GDAP1L1: variants seen among roughly 807,000 people sequenced by gnomAD.
GDAP1L1 encodes ganglioside induced differentiation associated protein 1 like 1.
GDAP1L1 carries 21 observed loss-of-function variants against 37.1 expected under a neutral mutation model. That is an observed-to-expected ratio of 0.57 (90% confidence interval 0.40 to 0.81). The LOEUF is 0.81. Ranked by LOEUF, GDAP1L1 falls within the 40% of genes least tolerant of loss-of-function variation. The probability of loss-of-function intolerance (pLI) is 0.00; values close to 1 mark genes in which losing one functional copy is unlikely to be tolerated. For synonymous variants in GDAP1L1, 193 were observed against 209.1 expected (o/e 0.92, Z 0.67); for missense variants, 362 against 491.6 (o/e 0.74, Z 2.49).
At chr20:44,254,419 T>C (rs963923610) in intron 1 of GDAP1L1, among the ~76,000 whole-genome samples, 14 of 152,036 alleles carry the variant, frequency 9.2e-5, no homozygotes, top group African/African-American at 3.1e-4. Context: ...TCTGCAACAG[T>C]TTTTCCCCCT....
At chr20:44,276,460 G>GAAAGAAAGAAAGAAAGAGAGAA (rs371944330) in intron 5 of GDAP1L1, among the ~76,000 whole-genome samples, 8 of 150,608 alleles carry the variant, frequency 5.3e-5, no homozygotes, top group African/African-American at 2.0e-4. Context: ...AAGAAAGAAA[G>GAAAGAAAGAAAGAAAGAGAGAA]AAAGAAAAAG....
chr20:44,248,244 C>G (rs1191617071), intron 1 of GDAP1L1, among the ~76,000 whole-genome samples: 1 of 152,242 alleles, frequency 6.6e-6, no homozygotes, highest in East Asian at 1.9e-4. Flanking sequence ...AGGGTTCCCG[C>G]TTCCTGGGGG....
At chr20:44,257,597 C>G (rs913669192) in intron 2 of GDAP1L1, among the ~76,000 whole-genome samples, 1 of 152,124 alleles carries the variant, frequency 6.6e-6, no homozygotes, top group South Asian at 2.1e-4. Context: ...AAGGGCATGA[C>G]CCAGACACCC....
At chr20:44,271,263 A>T (rs1035365175) in intron 5 of GDAP1L1, among the ~76,000 whole-genome samples, 1 of 152,146 alleles carries the variant, frequency 6.6e-6, no homozygotes, top group African/African-American at 2.4e-5. Flanking sequence ...ATAATAATAA[A>T]AACGTAACTA....
intron 5 of GDAP1L1, among the ~76,000 whole-genome samples, chr20:44,270,571 C>A (rs13041364): frequency 0.078 from 11,945 of 152,248 alleles, 957 homozygotes; most frequent in East Asian, 0.31. Flanking sequence ...TTGCTTGATG[C>A]AGGTTGCCTT....
intron 5 of GDAP1L1, among the ~76,000 whole-genome samples, chr20:44,277,275 C>T (rs1021761607): frequency 2.6e-4 from 39 of 152,216 alleles, no homozygotes; most frequent in Middle Eastern, 3.4e-3. Context: ...CCAAAACTTC[C>T]GTTTTAAATT....
chr20:44,247,215 A>T (rs1600519627), upstream of GDAP1L1: 1 of 1,010,868 alleles, frequency 9.9e-7, no homozygotes, highest in South Asian at 1.5e-5. Flanking sequence ...GAGTAATGAC[A>T]TTCACGGAGC....
chr20:44,271,441 G>C (rs775644862), intron 5 of GDAP1L1, among the ~76,000 whole-genome samples: 1 of 152,142 alleles, frequency 6.6e-6, no homozygotes, highest in Non-Finnish European at 1.5e-5. Context: ...CTGGGAGCTT[G>C]AGCAAGCCAG....
intron 5 of GDAP1L1, among the ~76,000 whole-genome samples, chr20:44,271,971 C>G (rs938979926): frequency 2.6e-5 from 4 of 152,186 alleles, no homozygotes; most frequent in Admixed American, 1.3e-4. Context: ...GATTCAGGAA[C>G]CTGGACAGAG....
intron 3 of GDAP1L1, 39 bp downstream of exon 3, chr20:44,258,646 C>A (rs369278943): frequency 2.7e-5 from 39 of 1,454,412 alleles, no homozygotes; most frequent in African/African-American, 2.0e-4. Flanking sequence ...TCTGCTTTCC[C>A]CCTTTGCGCC....
chr20:44,253,238 G>T (rs1284297409), intron 1 of GDAP1L1, among the ~76,000 whole-genome samples: 3 of 152,146 alleles, frequency 2.0e-5, no homozygotes, highest in African/African-American at 7.2e-5. Context: ...TGAGGGCAGG[G>T]ATCATTGTTT....
chr20:44,264,608 C>CTCTTCCCCTGCCCAG, intron 5 of GDAP1L1, 49 bp downstream of exon 5: 2 of 1,589,802 alleles, frequency 1.3e-6, no homozygotes, highest in Non-Finnish European at 1.7e-6. Flanking sequence ...ACCCAGCCTA[C>CTCTTCCCCTGCCCAG]TCTTCCCCTG....
chr20:44,273,663 G>A (rs2062543420), intron 5 of GDAP1L1, among the ~76,000 whole-genome samples: 1 of 152,196 alleles, frequency 6.6e-6, no homozygotes, highest in Non-Finnish European at 1.5e-5. Context: ...CACACAGGAT[G>A]CTGGCAGGAC....
At chr20:44,271,007 A>T (rs2062509710) in intron 5 of GDAP1L1, among the ~76,000 whole-genome samples, 3 of 152,206 alleles carry the variant, frequency 2.0e-5, no homozygotes, top group Admixed American at 6.5e-5. Flanking sequence ...TGCACTTGTA[A>T]TTCCAGCTAG....
intron 5 of GDAP1L1, among the ~76,000 whole-genome samples, chr20:44,276,579 G>GTTTTGT (rs1395595489): frequency 3.3e-5 from 5 of 152,110 alleles, no homozygotes; most frequent in Admixed American, 6.5e-5. Flanking sequence ...AATTGCATTT[G>GTTTTGT]TTTTGTTTTT....
chr20:44,261,876 G>A (rs778439135), intron 3 of GDAP1L1, among the ~76,000 whole-genome samples: 1 of 152,206 alleles, frequency 6.6e-6, no homozygotes, highest in Non-Finnish European at 1.5e-5. Context: ...AAGCTTTCAG[G>A]AAAGGAGGAT....
At chr20:44,265,611 T>C (rs2073749694) in intron 5 of GDAP1L1, 1 of 467,546 alleles carries the variant, frequency 2.1e-6, no homozygotes. Flanking sequence ...GAAGCCTCAG[T>C]TTCCTCATCT....
chr20:44,277,906 C>T (rs888453630), intron 5 of GDAP1L1, among the ~76,000 whole-genome samples: 3 of 152,074 alleles, frequency 2.0e-5, no homozygotes, highest in African/African-American at 7.2e-5. Flanking sequence ...GTAATCCCAG[C>T]ACTTTGGGAG....
At chr20:44,257,543 A>C (rs4812806) in intron 2 of GDAP1L1, among the ~76,000 whole-genome samples, 198 bp downstream of exon 2, 15,987 of 152,176 alleles carry the variant, frequency 0.11, 1,351 homozygotes, top group East Asian at 0.36. Flanking sequence ...AGCCACAGGC[A>C]TAGCTACTGA....
Sources: gnomAD v4.1 joint callset for allele counts (sites outside exome capture counted in the v4.1 genomes callset) on GRCh38, gnomAD v4.1.1 for gene constraint, MANE v1.5 for transcripts, NCBI Gene and HGNC (gene_info 2026-07-23, HGNC 2026-07-21) for gene names.